The following ADAM32 variants were observed in gnomAD, a reference collection of about 807,000 sequenced individuals.
ADAM32 encodes the protein ADAM metallopeptidase domain 32.
ADAM32 carries 89 observed loss-of-function variants against 114.9 expected under a neutral mutation model. The ratio of observed to expected loss-of-function variants is 0.77; its 90% CI spans 0.65 to 0.92. The LOEUF is 0.92. ADAM32 is among the 40% of genes least tolerant of loss of function. The pLI, the probability that ADAM32 is intolerant of heterozygous loss-of-function variation, is 0.00. For missense variants in ADAM32, 870 were observed against 932.8 expected (o/e 0.93, Z 0.88); for synonymous variants, 285 against 307.5 (o/e 0.93, Z 0.77).
intron 15 of ADAM32, 61 bp from the exon 16 acceptor site, chr8:39,233,838 C>G: frequency 4.4e-6 from 5 of 1,134,898 alleles, no homozygotes; most frequent in Non-Finnish European, 5.7e-6. Flanking sequence ...GAAAGCAAAT[C>G]CAAAGCATTC....
At chr8:39,175,018 T>A (rs1585458971) in intron 10 of ADAM32, among the ~76,000 whole-genome samples, 1 of 152,156 alleles carries the variant, frequency 6.6e-6, no homozygotes, top group East Asian at 1.9e-4. Flanking sequence ...GCTAGTTATT[T>A]TTGCATATTG....
At chr8:39,157,613 C>T (rs10755978) in intron 6 of ADAM32, 548,645 of 557,468 alleles carry the variant, frequency 0.98, 270,549 homozygotes, top group East Asian at 1. Context: ...GGTTTGGAAG[C>T]GGCCATGGCC....
chr8:39,172,687 G>A (rs1425789640), intron 10 of ADAM32, among the ~76,000 whole-genome samples: 1 of 152,088 alleles, frequency 6.6e-6, no homozygotes, highest in Non-Finnish European at 1.5e-5. Flanking sequence ...AGTATTCCAT[G>A]GTGTACATGT....
chr8:39,259,186 A>G (rs1811854477), intron 19 of ADAM32, among the ~76,000 whole-genome samples: 1 of 140,610 alleles, frequency 7.1e-6, no homozygotes, highest in Non-Finnish European at 1.6e-5. Context: ...TCTATCATCT[A>G]TTTTCTTGGT....
intron 2 of ADAM32, chr8:39,129,867 C>T: frequency 2.6e-6 from 1 of 384,528 alleles, no homozygotes; most frequent in Non-Finnish European, 5.2e-6. Flanking sequence ...GGATTTTATT[C>T]AGTTTTGGTA....
intron 11 of ADAM32, among the ~76,000 whole-genome samples, chr8:39,196,567 C>A (rs771210525): frequency 6.6e-6 from 1 of 152,020 alleles, no homozygotes; most frequent in Non-Finnish European, 1.5e-5. Context: ...TTGTCAAATG[C>A]ATTTTCTGTG....
chr8:39,158,541 G>A, intron 6 of ADAM32: 1 of 345,886 alleles, frequency 2.9e-6, no homozygotes. Context: ...CACACGATGT[G>A]TCATGCCAGC....
rs959799922 is a variant in ADAM32, at chr8:39,223,350, A to G, written c.1525+112A>G. 7.0e-6 allele frequency: 4 copies of G among 575,452 alleles called. No individual in the cohort carries two copies. In the African/African-American group the frequency reaches 7.8e-5, roughly 11 times the overall value. The allele number at this position is 575,452 out of a possible 1,614,324, so 35.6% of individuals were successfully genotyped here. A position where few individuals can be genotyped will look rare whatever the true frequency, so the allele number is the denominator to read the frequency against. On this transcript the variant is annotated intron_variant, in intron 14 of 24. Coordinates refer to ENST00000379907, the MANE Select transcript of ADAM32 (RefSeq NM_145004.7). ...ATGTGGAATGTTTTATATAGTATAAAATGTGGAATATTGTTTATATATATT... is the reference window on the plus strand; with the variant it reads ...ATGTGGAATGTTTTATATAGTATAAGATGTGGAATATTGTTTATATATATT...
intron 24 of ADAM32, 47 bp from the exon 25 acceptor site, chr8:39,284,746 T>C (rs760068310): frequency 2.5e-6 from 4 of 1,611,502 alleles, no homozygotes; most frequent in Non-Finnish European, 3.4e-6. Context: ...TGGGAGGGAA[T>C]TTGCTGTCAG....
chr8:39,125,277 A>G (rs1802046115), intron 2 of ADAM32, among the ~76,000 whole-genome samples: 1 of 151,910 alleles, frequency 6.6e-6, no homozygotes, highest in African/African-American at 2.4e-5. Flanking sequence ...ATCTAACGGA[A>G]TTTGTCTTGC....
rs758741966 is a variant in ADAM32, at chr8:39,151,481, T to C, written c.458T>C (p.Ile153Thr). The C allele has an allele frequency of 4.4e-6, 7 of 1,601,450 alleles. No individual in the cohort carries two copies. The highest frequency in any genetic ancestry group is 4.5e-5 in the East Asian group (2 of 44,252). ...LYKLKNEDND[I>T]AIFIDRSLKE... ...AAATTAAAGAATGAAGACAATGATA[T>C]TGCAATTTTTATTGACAGAAGCCTG... Residue 153 changes from isoleucine to threonine, a missense_variant, in exon 6 of 25, where the codon ATT becomes ACT. Coordinates refer to ENST00000379907, the MANE Select transcript of ADAM32 (RefSeq NM_145004.7).
intron 10 of ADAM32, among the ~76,000 whole-genome samples, chr8:39,172,595 C>T (rs1369527911): frequency 2.0e-5 from 3 of 152,142 alleles, no homozygotes; most frequent in African/African-American, 7.2e-5. Flanking sequence ...GTTTTCTGTT[C>T]CTGTGTTAGT....
chr8:39,276,385 G>A (rs1000226672), intron 22 of ADAM32: 2 of 152,032 alleles, frequency 1.3e-5, no homozygotes, highest in African/African-American at 4.8e-5. Flanking sequence ...TTCCTGAAAG[G>A]TGGATGTCTT....
chr8:39,206,261 C>T (rs988138487), intron 11 of ADAM32, among the ~76,000 whole-genome samples: 1 of 152,146 alleles, frequency 6.6e-6, no homozygotes, highest in African/African-American at 2.4e-5. Flanking sequence ...TCCTTCAGCA[C>T]CCGTGGTGGT....
chr8:39,146,479 C>T (rs1777047830), intron 3 of ADAM32, among the ~76,000 whole-genome samples: 2 of 144,784 alleles, frequency 1.4e-5, no homozygotes, highest in Non-Finnish European at 1.5e-5. Flanking sequence ...GGTGTGATCT[C>T]AGCTCACTGC....
rs117432941 is a variant in ADAM32 at position 39,156,862 on chromosome 8, C to A, written c.526-4035C>A. On this transcript the variant is annotated intron_variant, in intron 6 of 24. Transcript: ENST00000379907. ...AATGACCTAATTTTCAATCTAATTA[C>A]CTCTTTAAAGGCCCTGTCTCCAAAT... Among the ~76,000 whole-genome samples the A allele has an allele frequency of 1.2e-3, 179 of 152,280 alleles. 1 individual carries two copies. In the East Asian group the frequency reaches 0.023, roughly 20 times the overall value.
At chr8:39,228,159 G>A (rs1371009690) in intron 14 of ADAM32, among the ~76,000 whole-genome samples, 1 of 152,164 alleles carries the variant, frequency 6.6e-6, no homozygotes, top group African/African-American at 2.4e-5. Flanking sequence ...AACACCCCAT[G>A]GGACAAAAGA....
chr8:39,270,648 T>C (rs920004043), intron 19 of ADAM32, among the ~76,000 whole-genome samples: 5 of 152,212 alleles, frequency 3.3e-5, no homozygotes, highest in African/African-American at 1.2e-4. Context: ...TTTTTGATAC[T>C]CTCCTCATTG....
intron 2 of ADAM32, chr8:39,129,904 A>G (rs1005151594): frequency 2.7e-6 from 1 of 372,932 alleles, no homozygotes. Context: ...AAATTTATTA[A>G]TTTTATCTAA....
Sources: allele counts gnomAD v4.1 joint callset (sites outside exome capture counted in the v4.1 genomes callset), GRCh38; gene constraint gnomAD v4.1.1; transcripts MANE v1.5; gene names NCBI Gene and HGNC (gene_info 2026-07-23, HGNC 2026-07-21).